Variants in QRFPR observed in about 807,000 individuals in gnomAD.
QRFPR encodes the protein pyroglutamylated RF-amide peptide receptor.
Under a neutral mutation model 31.3 loss-of-function variants are expected in QRFPR, and 37 were observed. The ratio of observed to expected loss-of-function variants is 1.18; its 90% CI spans 0.91 to 1.56. QRFPR has a LOEUF of 1.56. Among genes scored for constraint, QRFPR ranks in the 40% most tolerant of loss-of-function variants. The probability of loss-of-function intolerance (pLI) is 0.00; values close to 1 mark genes in which losing one functional copy is unlikely to be tolerated. For synonymous variants in QRFPR, 197 were observed against 192.0 expected (o/e 1.03, Z -0.22); for missense variants, 542 against 532.5 (o/e 1.02, Z -0.18).
intron 1 of QRFPR, among the ~76,000 whole-genome samples, chr4:121,349,065 C>T (rs1486863043): frequency 6.6e-6 from 1 of 151,842 alleles, no homozygotes; most frequent in Non-Finnish European, 1.5e-5. Flanking sequence ...CCACTGCACT[C>T]CAGCCTGGGT....
chr4:121,342,806 C>T (rs1725568362), intron 1 of QRFPR, among the ~76,000 whole-genome samples: 1 of 152,086 alleles, frequency 6.6e-6, no homozygotes, highest in Non-Finnish European at 1.5e-5. Context: ...GTAGGAGGCT[C>T]ATCACTCCTA....
intron 1 of QRFPR, among the ~76,000 whole-genome samples, chr4:121,356,261 T>A (rs1023503815): frequency 6.6e-6 from 1 of 152,186 alleles, no homozygotes; most frequent in African/African-American, 2.4e-5. Context: ...GCTTAATTTT[T>A]AAAAAATTAT....
chr4:121,368,346 TCCATTTA>T (rs139718763), intron 1 of QRFPR, among the ~76,000 whole-genome samples: 8,726 of 150,160 alleles, frequency 0.058, 715 homozygotes, highest in Middle Eastern at 0.097. Flanking sequence ...AAAGTTTAAG[TCCATTTA>T]CCTATACCAA....
At position 121,367,856 on chromosome 4, in the gene QRFPR, T is replaced by C. The variant is rs574323614; in HGVS notation, c.340+12452A>G. ...AAATTAATACCACAGTCAAACATTA[T>C]CTTTGCCAACCTACAACATTTGCAG... On this transcript the variant is annotated intron_variant, in intron 1 of 5. Transcript: ENST00000394427. 5.6e-4 allele frequency among the ~76,000 whole-genome samples: 79 copies of C among 142,256 alleles called. 7 individuals are homozygous for C. The highest frequency in any genetic ancestry group is 1.9e-3 in the African/African-American group (73 of 37,574). The allele number at this position is 142,256 out of a possible 152,430, so 93.3% of individuals were successfully genotyped here.
chr4:121,364,421 G>A (rs1183110533), intron 1 of QRFPR, among the ~76,000 whole-genome samples: 1 of 149,982 alleles, frequency 6.7e-6, no homozygotes, highest in African/African-American at 2.5e-5. Context: ...TGGATCACAA[G>A]GTCAGGAGAT....
At chr4:121,360,541 G>C (rs1251595819) in intron 1 of QRFPR, among the ~76,000 whole-genome samples, 1 of 152,084 alleles carries the variant, frequency 6.6e-6, no homozygotes, top group African/African-American at 2.4e-5. Flanking sequence ...TCCCCTGATA[G>C]TAGTGGTTTT....
At chr4:121,365,772 G>A (rs66511907) in intron 1 of QRFPR, among the ~76,000 whole-genome samples, 91,319 of 128,490 alleles carry the variant, frequency 0.71, 34,425 homozygotes, top group East Asian at 0.9. Context: ...AAAATTCATC[G>A]TAATAAGAAT....
intron 1 of QRFPR, chr4:121,370,342 C>T (rs1305804220): frequency 1.3e-6 from 1 of 754,780 alleles, no homozygotes; most frequent in East Asian, 2.5e-5. Flanking sequence ...TGTCTTGAAG[C>T]CATTGAAAGG....
chr4:121,330,541 C>T lies in QRFPR; in HGVS notation c.798-18G>A, dbSNP rs1553945542. On this transcript the variant is annotated intron_variant, in intron 4 of 5. Coordinates refer to ENST00000394427, the MANE Select transcript of QRFPR (RefSeq NM_198179.3). ...TCTTCTTCCTAAACCCACAAGGAAA[C>T]ATTGTATTAGTTAACTTCTCCTTGG... 3.0e-5 allele frequency: 47 copies of T among 1,590,658 alleles called. No homozygotes were observed. In the South Asian group the frequency reaches 4.4e-4, roughly 15 times the overall value.
rs1258039967 is a variant in QRFPR at position 121,366,225 on chromosome 4, A to G, written c.340+14083T>C. On this transcript the variant is annotated intron_variant, in intron 1 of 5. Transcript: ENST00000394427. ...ACTGGTTGGGTCAAAGCCTGGCACC[A>G]GTATTTCCAGTCTATATGAGCTTGG... 2.0e-5 allele frequency among the ~76,000 whole-genome samples: 3 copies of G among 149,960 alleles called. 1 individual carries two copies. The highest frequency in any genetic ancestry group is 4.9e-5 in the African/African-American group (2 of 40,464).
At chr4:121,380,197 GA>G (rs1726451528) in intron 1 of QRFPR, 110 bp downstream of exon 1, 10,078 of 438,996 alleles carry the variant, frequency 0.023, 584 homozygotes, top group Non-Finnish European at 0.027. Context: ...GAGAGAGAGA[GA>G]GAGAGAGAGA....
intron 1 of QRFPR, chr4:121,369,855 C>T (rs1406504980): frequency 1.7e-5 from 15 of 880,084 alleles, no homozygotes; most frequent in Non-Finnish European, 2.9e-5. Context: ...GGCCTCTCTT[C>T]TTTTGTTATC....
chr4:121,333,209 T>C (rs555418974), intron 3 of QRFPR, among the ~76,000 whole-genome samples, 153 bp from the exon 4 acceptor site: 85 of 152,352 alleles, frequency 5.6e-4, no homozygotes, highest in African/African-American at 2.0e-3. Context: ...ATTGTTCTTT[T>C]GTTGTGAAGC....
chr4:121,369,313 G>A (rs1726188230), intron 1 of QRFPR: 2 of 509,100 alleles, frequency 3.9e-6, no homozygotes, highest in Admixed American at 3.3e-5. Flanking sequence ...ACAGGCGTGA[G>A]CCACTGTGCC....
chr4:121,344,909 G>A (rs530540032), intron 1 of QRFPR, among the ~76,000 whole-genome samples: 2 of 152,208 alleles, frequency 1.3e-5, no homozygotes, highest in African/African-American at 4.8e-5. Flanking sequence ...CCATAAATCT[G>A]GTAATTTTAA....
At position 121,380,414 on chromosome 4, in the gene QRFPR, G is replaced by A. The variant is rs759577247; in HGVS notation, c.234C>T (p.Thr78=). Residue 78 remains threonine (T), a synonymous_variant, in exon 1 of 6, where the codon ACC becomes ACT. Coordinates refer to ENST00000394427, the MANE Select transcript of QRFPR (RefSeq NM_198179.3). ...AGGAGCAGATAAAGATGTTGGTGAC[G>A]GTGCGCATGGCCTTGCTGCGGGTCA... is the stretch of plus-strand genomic sequence containing the variant. ...YVVTRSKAMR[T]VTNIFICSLA... The A allele has an allele frequency of 6.8e-6, 11 of 1,614,080 alleles. No homozygotes were observed. Among genetic ancestry groups the A allele is most frequent in the Non-Finnish European group, 9.3e-6 (11 of 1,180,024 alleles).
chr4:121,378,473 C>T (rs1376130589), intron 1 of QRFPR, among the ~76,000 whole-genome samples: 2 of 141,346 alleles, frequency 1.4e-5, no homozygotes, highest in African/African-American at 5.4e-5. Flanking sequence ...AGTGCAGTAG[C>T]GTGATCTCGG....
In QRFPR at chr4:121,330,503, A is replaced by G; in HGVS notation, c.818T>C (p.Ile273Thr). Residue 273 changes from isoleucine (I) to threonine (T), a missense_variant, in exon 5 of 6, where the codon ATT becomes ACT. By Grantham distance (89) the Ile-to-Thr change is moderately conservative. Coordinates refer to ENST00000394427, the MANE Select transcript of QRFPR (RefSeq NM_198179.3). ...KIARKKKRAV[I>T]MMVTVVALFA... ...GAGAGCCACCACTGTCACCATCATAATGACAGCTCGTTTCTTCTTCCTAAA... is the reference window on the plus strand; with the variant it reads ...GAGAGCCACCACTGTCACCATCATAGTGACAGCTCGTTTCTTCTTCCTAAA... 1.2e-6 allele frequency: 2 copies of G among 1,613,818 alleles called. No individual in the cohort carries two copies. Among genetic ancestry groups the G allele is most frequent in the Non-Finnish European group, 1.7e-6 (2 of 1,179,698 alleles).
At position 121,340,623 on chromosome 4, in the gene QRFPR, A is replaced by C; in HGVS notation, c.341-13T>G. 1 of 1,609,752 alleles carries C rather than the reference A, an allele frequency of 6.2e-7. No homozygotes were observed. Among genetic ancestry groups the C allele is most frequent in the Non-Finnish European group, 8.5e-7 (1 of 1,176,838 alleles). On this transcript the variant is annotated splice_polypyrimidine_tract_variant and intron_variant, in intron 1 of 5. Transcript: ENST00000394427. ...CAAATGAAAGCACCTGCAGTAAGGA[A>C]ATAGGACAAATCATACATCAAAACA...
Sources: allele counts gnomAD v4.1 joint callset (sites outside exome capture counted in the v4.1 genomes callset), GRCh38; gene constraint gnomAD v4.1.1; transcripts MANE v1.5; gene names NCBI Gene and HGNC (gene_info 2026-07-23, HGNC 2026-07-21).